The following AUTS2 variants were observed in gnomAD, a reference collection of about 807,000 sequenced individuals.
AUTS2 encodes the protein autism susceptibility gene 2 protein.
A neutral mutation model predicts 112.4 loss-of-function variants in AUTS2; 17 were observed. That is an observed-to-expected ratio of 0.15 (90% CI 0.10 to 0.23). The LOEUF is 0.23. AUTS2 is among the 10% of genes least tolerant of loss of function. The pLI, the probability that AUTS2 is intolerant of heterozygous loss-of-function variation, is 1.00. For missense variants in AUTS2, 1,510 were observed against 1,701.6 expected (o/e 0.89, Z 1.98); for synonymous variants, 751 against 702.7 (o/e 1.07, Z -1.09).
intron 1 of AUTS2, among the ~76,000 whole-genome samples, chr7:69,835,653 C>T (rs1027276267): frequency 3.3e-5 from 5 of 152,090 alleles, no homozygotes; most frequent in Admixed American, 3.3e-4. Flanking sequence ...TAGAGATTGC[C>T]ATAGAGGAAG....
chr7:70,110,690 TG>T (rs368657821), intron 2 of AUTS2, among the ~76,000 whole-genome samples: 25 of 151,860 alleles, frequency 1.6e-4, no homozygotes, highest in African/African-American at 4.4e-4. Context: ...TGTCTAATAA[TG>T]CCTAAAGTGT....
chr7:69,631,265 G>C (rs191373678), intron 1 of AUTS2, among the ~76,000 whole-genome samples: 200 of 152,176 alleles, frequency 1.3e-3, no homozygotes, highest in Non-Finnish European at 2.4e-3. Flanking sequence ...TGCTTGCACA[G>C]CTGTTCTGGA....
intron 5 of AUTS2, among the ~76,000 whole-genome samples, chr7:70,507,796 CA>C: frequency 6.6e-6 from 1 of 151,870 alleles, no homozygotes; most frequent in East Asian, 1.9e-4. Flanking sequence ...GACTCTGTCT[CA>C]AAAAAATAAA....
chr7:70,184,418 C>A (rs1285308415), intron 4 of AUTS2, among the ~76,000 whole-genome samples: 5 of 152,168 alleles, frequency 3.3e-5, no homozygotes, highest in African/African-American at 1.2e-4. Flanking sequence ...GGTGCCACAT[C>A]TTTTGCCTTC....
At chr7:70,460,244 G>C (rs1288435023) in intron 5 of AUTS2, among the ~76,000 whole-genome samples, 1 of 152,004 alleles carries the variant, frequency 6.6e-6, no homozygotes, top group Non-Finnish European at 1.5e-5. Flanking sequence ...GACCAGAAAG[G>C]TGAGGGTTTC....
chr7:70,153,335 T>A (rs1474283353), intron 4 of AUTS2, among the ~76,000 whole-genome samples: 1 of 152,190 alleles, frequency 6.6e-6, no homozygotes, highest in Admixed American at 6.5e-5. Flanking sequence ...GTACATATTG[T>A]ATGGTTCCAA....
chr7:70,005,432 G>C (rs1799504026), intron 2 of AUTS2, among the ~76,000 whole-genome samples: 1 of 152,178 alleles, frequency 6.6e-6, no homozygotes, highest in Admixed American at 6.5e-5. Flanking sequence ...TTTTTAAAAT[G>C]AATGTCAAGT....
intron 5 of AUTS2, among the ~76,000 whole-genome samples, chr7:70,588,327 C>G (rs1189244706): frequency 1.3e-5 from 2 of 152,166 alleles, no homozygotes; most frequent in Non-Finnish European, 2.9e-5. Context: ...AAAAATCAGA[C>G]TCTTTCCTGC....
intron 4 of AUTS2, among the ~76,000 whole-genome samples, chr7:70,397,037 A>G (rs1167888872): frequency 2.0e-5 from 3 of 151,518 alleles, no homozygotes; most frequent in African/African-American, 7.3e-5. Context: ...AACACTTTGT[A>G]TGTCTTTTCA....
At chr7:69,946,582 ACACACACACACACACACACACACACG>A (rs1348180220) in intron 2 of AUTS2, among the ~76,000 whole-genome samples, 1 of 126,130 alleles carries the variant, frequency 7.9e-6, no homozygotes, top group Non-Finnish European at 1.7e-5. Context: ...ACACACACAC[ACACACACACACACACACACACACACG>A]CACGCACACA....
At chr7:70,773,327 T>G (rs997360282) in intron 11 of AUTS2, among the ~76,000 whole-genome samples, 1 of 152,130 alleles carries the variant, frequency 6.6e-6, no homozygotes, top group Admixed American at 6.5e-5. Context: ...CTAGAAATAG[T>G]GATTGTGCCC....
chr7:70,431,102 G>C (rs1795646959), intron 4 of AUTS2, among the ~76,000 whole-genome samples: 1 of 152,022 alleles, frequency 6.6e-6, no homozygotes, highest in African/African-American at 2.4e-5. Context: ...CTCCCAAAGT[G>C]CTGGTATTAC....
At chr7:69,938,043 C>T (rs1796482828) in intron 2 of AUTS2, among the ~76,000 whole-genome samples, 1 of 152,142 alleles carries the variant, frequency 6.6e-6, no homozygotes, top group African/African-American at 2.4e-5. Context: ...AATTCTCTGC[C>T]TTTAGGATTC....
At chr7:70,148,166 T>C (rs2129575942) in intron 4 of AUTS2, among the ~76,000 whole-genome samples, 1 of 152,186 alleles carries the variant, frequency 6.6e-6, no homozygotes, top group South Asian at 2.1e-4. Context: ...TCTTGGTAAA[T>C]AGGAAGGCCA....
At chr7:70,314,440 A>G (rs543764713) in intron 4 of AUTS2, among the ~76,000 whole-genome samples, 1 of 152,320 alleles carries the variant, frequency 6.6e-6, no homozygotes, top group East Asian at 1.9e-4. Flanking sequence ...ACATTCTTGC[A>G]TGTGCTTTTC....
chr7:70,757,807 CTTT>C (rs3974412), intron 6 of AUTS2, among the ~76,000 whole-genome samples: 1 of 60,526 alleles, frequency 1.7e-5, no homozygotes, highest in Non-Finnish European at 2.8e-5. Context: ...TCCATGGCTT[CTTT>C]TTTTTTTTTT....
rs1046986143 is a variant in AUTS2, at chr7:70,631,415, C to T, written c.691-67154C>T. ...TGCGTGTCGGGCATGCTGCTCTGTG[C>T]GGGAAGAGGCTCGTTTCAGAGGAAG... On this transcript the variant is annotated intron_variant, in intron 5 of 18. Coordinates refer to ENST00000342771, the MANE Select transcript of AUTS2 (RefSeq NM_015570.4). The surrounding 1 kb of genome is among the most constrained non-coding windows in gnomAD (Gnocchi z 4.5). 3.3e-5 allele frequency among the ~76,000 whole-genome samples: 5 copies of T among 152,126 alleles called. No homozygotes were observed. Among genetic ancestry groups the T allele is most frequent in the Admixed American group, 6.6e-5 (1 of 15,266 alleles).
chr7:70,247,698 G>C (rs1287566318), intron 4 of AUTS2, among the ~76,000 whole-genome samples: 1 of 152,056 alleles, frequency 6.6e-6, no homozygotes, highest in African/African-American at 2.4e-5. Flanking sequence ...ATGTCATAAT[G>C]AGCATTTTGT....
At chr7:70,256,150 C>T (rs1200977607) in intron 4 of AUTS2, among the ~76,000 whole-genome samples, 1 of 152,144 alleles carries the variant, frequency 6.6e-6, no homozygotes, top group Non-Finnish European at 1.5e-5. Flanking sequence ...AGTACGAGTC[C>T]CTGAAGATGA....
Sources: allele counts gnomAD v4.1 joint callset (sites outside exome capture counted in the v4.1 genomes callset), GRCh38; gene constraint gnomAD v4.1.1; non-coding constraint Gnocchi (gnomAD v3.1); transcripts MANE v1.5; gene names NCBI Gene and HGNC (gene_info 2026-07-23, HGNC 2026-07-21).